Variants in SLC14A2 observed in about 807,000 individuals in gnomAD.
The protein encoded by SLC14A2 is urea transporter 2.
Under a neutral mutation model 104.6 loss-of-function variants are expected in SLC14A2, and 91 were observed. That is an observed-to-expected ratio of 0.87 (90% CI 0.73 to 1.04). The LOEUF (loss-of-function observed/expected upper bound fraction) is 1.04. Among genes scored for constraint, SLC14A2 ranks in the 50% least tolerant of loss-of-function variants. The pLI is 0.00. For missense variants in SLC14A2, 1,189 were observed against 1,156.0 expected (o/e 1.03, Z -0.41); for synonymous variants, 476 against 466.4 (o/e 1.02, Z -0.27).
rs1326397035 is a variant in SLC14A2 at position 45,603,683 on chromosome 18, TC to T, written c.-34-20946del. On this transcript the variant is annotated intron_variant, in intron 2 of 20. Coordinates refer to the SLC14A2 transcript ENST00000586448. ...ACAGCCCCTCCCAGGATGCCCAGAA[TC>T]CTAACAGTGTGCCAGAGCTCTCCCA... Among the ~76,000 whole-genome samples the T allele has an allele frequency of 2.0e-5, 3 of 152,134 alleles. No homozygotes were observed. The East Asian group carries it at 5.8e-4, about 29-fold the overall frequency.
intron 1 of SLC14A2, among the ~76,000 whole-genome samples, chr18:45,385,156 G>A (rs2085881307): frequency 6.6e-6 from 1 of 152,166 alleles, no homozygotes; most frequent in South Asian, 2.1e-4. Flanking sequence ...CGCGAAGTGG[G>A]GCTGATTTAC....
chr18:45,211,084 G>A (rs1052776778), upstream of SLC14A2, among the ~76,000 whole-genome samples: 9 of 151,986 alleles, frequency 5.9e-5, no homozygotes, highest in African/African-American at 1.5e-4. Flanking sequence ...ATGTTCTTAC[G>A]GATCTGAAGC....
intron 1 of SLC14A2, among the ~76,000 whole-genome samples, chr18:45,403,964 C>T (rs1486701225): frequency 6.6e-6 from 1 of 152,208 alleles, no homozygotes; most frequent in Non-Finnish European, 1.5e-5. Context: ...TCTCTGTCCA[C>T]ACCAAGCATC....
intron 2 of SLC14A2, among the ~76,000 whole-genome samples, chr18:45,545,658 G>A (rs2043958343): frequency 6.6e-6 from 1 of 152,118 alleles, no homozygotes; most frequent in Non-Finnish European, 1.5e-5. Context: ...TTTAACAGTA[G>A]ATCATGCTAC....
chr18:45,228,044 T>C (rs1383371090), intron 1 of SLC14A2, among the ~76,000 whole-genome samples: 1 of 152,188 alleles, frequency 6.6e-6, no homozygotes, highest in Non-Finnish European at 1.5e-5. Flanking sequence ...TCTGCTTCCA[T>C]TTTCTCATTG....
chr18:45,342,012 TTAAAA>T (rs2085401081), intron 1 of SLC14A2, among the ~76,000 whole-genome samples: 1 of 152,194 alleles, frequency 6.6e-6, no homozygotes, highest in South Asian at 2.1e-4. Flanking sequence ...TATTAATGAA[TTAAAA>T]TATGTATTAA....
chr18:45,251,399 T>C (rs531936043), intron 1 of SLC14A2, among the ~76,000 whole-genome samples: 41 of 152,232 alleles, frequency 2.7e-4, no homozygotes, highest in Non-Finnish European at 4.7e-4. Flanking sequence ...CTTTCCACTA[T>C]ATTCGAGAGG....
At position 45,524,276 on chromosome 18, in the gene SLC14A2, C is replaced by A. The variant is rs182891887; in HGVS notation, c.-35+40954C>A. On this transcript the variant is annotated intron_variant, in intron 2 of 20. Coordinates refer to the SLC14A2 transcript ENST00000586448. ...AGAGTGTATTTTATTCACTTAGTGC[C>A]CTCAACACCTCAACAAGTGTCTGGC... is the stretch of plus-strand genomic sequence containing the variant. Among the ~76,000 whole-genome samples the A allele has an allele frequency of 2.6e-5, 4 of 152,302 alleles. No homozygotes were observed. The East Asian group carries it at 5.8e-4, about 22-fold the overall frequency.
At chr18:45,394,182 T>A (rs2086003654) in intron 1 of SLC14A2, among the ~76,000 whole-genome samples, 1 of 152,224 alleles carries the variant, frequency 6.6e-6, no homozygotes, top group African/African-American at 2.4e-5. Flanking sequence ...TTTGCAAAAT[T>A]AAATTCTTTC....
intron 10 of SLC14A2, among the ~76,000 whole-genome samples, chr18:45,652,395 A>T: frequency 6.6e-6 from 1 of 152,222 alleles, no homozygotes; most frequent in Non-Finnish European, 1.5e-5. Context: ...AGTCCTTTTT[A>T]ACCCTCTGCA....
chr18:45,602,091 C>T (rs887011860), intron 2 of SLC14A2, among the ~76,000 whole-genome samples: 3 of 152,186 alleles, frequency 2.0e-5, no homozygotes, highest in African/African-American at 7.2e-5. Flanking sequence ...CTCCACCAGA[C>T]CTTCAGTTCT....
intron 1 of SLC14A2, among the ~76,000 whole-genome samples, chr18:45,262,981 C>A (rs1170183201): frequency 1.3e-5 from 2 of 152,194 alleles, no homozygotes; most frequent in African/African-American, 4.8e-5. Flanking sequence ...ACACACATAA[C>A]ACAAATATCA....
intron 1 of SLC14A2, among the ~76,000 whole-genome samples, chr18:45,475,051 G>C (rs940998039): frequency 1.3e-5 from 2 of 152,168 alleles, no homozygotes; most frequent in Non-Finnish European, 2.9e-5. Flanking sequence ...TGCTTTAGCT[G>C]TGTCCCAGAG....
intron 1 of SLC14A2, among the ~76,000 whole-genome samples, chr18:45,276,295 C>T (rs1181886816): frequency 6.6e-6 from 1 of 152,138 alleles, no homozygotes; most frequent in Non-Finnish European, 1.5e-5. Context: ...AATAGGGACC[C>T]AATAGAAATA....
At chr18:45,643,920 C>A in intron 9 of SLC14A2, 66 bp from the exon 10 acceptor site, 1 of 1,430,992 alleles carries the variant, frequency 7.0e-7, no homozygotes. Flanking sequence ...TCCTTCTCCC[C>A]CAGAGTCCCC....
chr18:45,541,898 C>T (rs1485015396), intron 2 of SLC14A2, among the ~76,000 whole-genome samples: 2 of 152,046 alleles, frequency 1.3e-5, no homozygotes, highest in African/African-American at 4.8e-5. Context: ...CAGGGTCTTG[C>T]ACAAAATAGG....
At chr18:45,186,335 T>C in the SLC14A2 span, among the ~76,000 whole-genome samples, 2 of 152,144 alleles carry the variant, frequency 1.3e-5, no homozygotes, top group Non-Finnish European at 2.9e-5. Context: ...TGCACAAGGG[T>C]GCAAAAGCAA....
the SLC14A2 span, among the ~76,000 whole-genome samples, chr18:45,171,934 C>A: frequency 6.6e-6 from 1 of 152,136 alleles, no homozygotes; most frequent in Admixed American, 6.6e-5. Flanking sequence ...GGGCAAATCA[C>A]TACTGGTATC....
At chr18:45,634,678 C>T (rs1407442700) in intron 5 of SLC14A2, 4 of 366,326 alleles carry the variant, frequency 1.1e-5, no homozygotes, top group African/African-American at 4.2e-5. Context: ...GGCAGGTACT[C>T]GATGAGAGTC....
Sources: allele counts gnomAD v4.1 joint callset (sites outside exome capture counted in the v4.1 genomes callset), GRCh38; gene constraint gnomAD v4.1.1; transcripts MANE v1.5; gene names NCBI Gene and HGNC (gene_info 2026-07-23, HGNC 2026-07-21).